GRIN2B: variants seen among roughly 807,000 people sequenced by gnomAD.
GRIN2B encodes the protein glutamate ionotropic receptor NMDA type subunit 2B, also known as glutamate receptor ionotropic, NMDA 2B.
Under a neutral mutation model 114.5 loss-of-function variants are expected in GRIN2B, and 5 were observed. The observed-to-expected ratio is 0.04, with a 90% confidence interval of 0.02 to 0.09. The LOEUF (loss-of-function observed/expected upper bound fraction) is 0.09. Ranked by LOEUF, GRIN2B falls within the 10% of genes least tolerant of loss-of-function variation. The pLI, the probability that GRIN2B is intolerant of heterozygous loss-of-function variation, is 1.00. For missense variants in GRIN2B, 1,108 were observed against 1,943.5 expected, an observed-to-expected ratio of 0.57 and a Z score of 8.08; for synonymous variants, 787 against 745.1, an observed-to-expected ratio of 1.06 and a Z score of -0.92.
At chr12:13,934,600 C>A (rs1350016689) in intron 2 of GRIN2B, among the ~76,000 whole-genome samples, 1 of 152,212 alleles carries the variant, frequency 6.6e-6, no homozygotes. Flanking sequence ...CAGGTTGATA[C>A]CCTCTTTCCT....
Position 13,551,955 on chromosome 12 carries a change from GTT to G in GRIN2B, c.*10826_*10827del, listed in dbSNP as rs1948418164. 1 of 151,938 alleles carries G rather than the reference GTT, an allele frequency of 6.6e-6. No homozygotes were observed. The highest frequency in any genetic ancestry group is 1.5e-5 in the Non-Finnish European group (1 of 67,968). 9.4% of individuals were successfully genotyped at this position (151,938 alleles called of 1,614,324 possible). ...TAGGGCTGAAGTTTTAGGCAGGCAT[GTT>G]TTGTTTCATTTCGAAAAAAAAACAA... On this transcript the variant is annotated 3_prime_UTR_variant, in exon 14 of 14. Coordinates refer to ENST00000609686, the MANE Select transcript of GRIN2B (RefSeq NM_000834.5).
intron 4 of GRIN2B, among the ~76,000 whole-genome samples, chr12:13,712,194 A>T (rs902510503): frequency 2.0e-5 from 3 of 148,436 alleles, no homozygotes; most frequent in African/African-American, 7.5e-5. Context: ...ACACATGGAC[A>T]CAGGAAGGGG....
intron 3 of GRIN2B, among the ~76,000 whole-genome samples, chr12:13,775,433 G>A (rs1046083786): frequency 3.9e-5 from 6 of 152,098 alleles, no homozygotes; most frequent in South Asian, 2.1e-4. Context: ...CTGCCTCTCC[G>A]GGTAAATGAG....
At chr12:13,607,354 TATATAATATATATTATATATTA>T (rs1565473688) in intron 10 of GRIN2B, among the ~76,000 whole-genome samples, 17 of 38,886 alleles carry the variant, frequency 4.4e-4, no homozygotes, top group Admixed American at 3.8e-3. Flanking sequence ...ATATATAAAA[TATATAATATATATTATATATTA>T]TATATATAAT....
intron 3 of GRIN2B, among the ~76,000 whole-genome samples, chr12:13,839,662 C>A (rs936460964): frequency 6.6e-6 from 1 of 152,126 alleles, no homozygotes; most frequent in African/African-American, 2.4e-5. Context: ...AAACGGAAGC[C>A]CCAGGTGTCA....
At chr12:13,602,124 A>C (rs1233904680) in intron 10 of GRIN2B, among the ~76,000 whole-genome samples, 1 of 152,142 alleles carries the variant, frequency 6.6e-6, no homozygotes, top group Non-Finnish European at 1.5e-5. Context: ...TTAAGAGAAC[A>C]AAAGGCAAGT....
At chr12:13,893,300 T>G (rs1036967659) in intron 2 of GRIN2B, among the ~76,000 whole-genome samples, 1 of 152,158 alleles carries the variant, frequency 6.6e-6, no homozygotes, top group Non-Finnish European at 1.5e-5. Context: ...TTTCTATTTT[T>G]CCTGTGCTGG....
intron 3 of GRIN2B, among the ~76,000 whole-genome samples, chr12:13,859,363 T>C (rs1447533415): frequency 1.3e-5 from 2 of 152,192 alleles, no homozygotes; most frequent in African/African-American, 4.8e-5. Context: ...TGGGCTTCAA[T>C]TGTTACAAGC....
chr12:13,583,719 G>A (rs1467666520), intron 10 of GRIN2B, among the ~76,000 whole-genome samples: 1 of 152,154 alleles, frequency 6.6e-6, no homozygotes, highest in Non-Finnish European at 1.5e-5. Context: ...AAAGAGGTCT[G>A]GGGAGGGTGA....
At position 13,538,597 on chromosome 12, in the gene GRIN2B, T is replaced by G. The variant is rs1345693751; in HGVS notation, c.*24186A>C. ...TAGGAAGCCGAGGCAGGCAGATCAC[T>G]TGAACCCAGGAGTTCAGAATCAGCC... On this transcript the variant is annotated 3_prime_UTR_variant, in exon 14 of 14. Coordinates refer to ENST00000609686, the MANE Select transcript of GRIN2B (RefSeq NM_000834.5). The G allele has an allele frequency of 2.0e-5, 3 of 152,086 alleles. No homozygotes were observed. The highest frequency in any genetic ancestry group is 7.2e-5 in the African/African-American group (3 of 41,400). 9.4% of individuals were successfully genotyped at this position (152,086 alleles called of 1,614,324 possible). A position where few individuals can be genotyped will look rare whatever the true frequency, so the allele number is the denominator to read the frequency against.
chr12:13,837,262 A>G (rs1255473842), intron 3 of GRIN2B, among the ~76,000 whole-genome samples: 3 of 152,260 alleles, frequency 2.0e-5, no homozygotes, highest in East Asian at 3.9e-4. Context: ...TCTTGGCCCT[A>G]TCTCCTCCAA....
chr12:13,727,279 G>A (rs1225286906), intron 4 of GRIN2B, among the ~76,000 whole-genome samples: 1 of 152,158 alleles, frequency 6.6e-6, no homozygotes, highest in Non-Finnish European at 1.5e-5. Flanking sequence ...CCAGTTTAAT[G>A]TTTTTGTTGC....
intron 2 of GRIN2B, among the ~76,000 whole-genome samples, chr12:13,870,259 T>C (rs575674056): frequency 2.6e-5 from 4 of 152,248 alleles, no homozygotes; most frequent in African/African-American, 9.6e-5. Context: ...AGGGCCAGTA[T>C]TGGGAATCAG....
chr12:13,759,079 C>T (rs1031521594), intron 3 of GRIN2B, among the ~76,000 whole-genome samples: 3 of 133,026 alleles, frequency 2.3e-5, no homozygotes, highest in African/African-American at 8.8e-5. Context: ...ATGATCTTGG[C>T]TCACTGTAAC....
At chr12:13,607,719 T>TGGGGGG (rs557037464) in intron 10 of GRIN2B, among the ~76,000 whole-genome samples, 1 of 38,506 alleles carries the variant, frequency 2.6e-5, no homozygotes, top group Admixed American at 3.2e-4. Flanking sequence ...GGCTTCATCC[T>TGGGGGG]GGGGGGGTGG....
At chr12:13,640,718 A>G (rs1949707249) in intron 5 of GRIN2B, among the ~76,000 whole-genome samples, 1 of 152,166 alleles carries the variant, frequency 6.6e-6, no homozygotes, top group African/African-American at 2.4e-5. Flanking sequence ...TGAACTATCT[A>G]TTATGAATGA....
At chr12:13,828,418 G>A (rs947273668) in intron 3 of GRIN2B, among the ~76,000 whole-genome samples, 1 of 152,098 alleles carries the variant, frequency 6.6e-6, no homozygotes, top group Non-Finnish European at 1.5e-5. Flanking sequence ...TCCAGACATG[G>A]AATTTCACCT....
At chr12:13,942,940 T>C (rs965832024) in intron 2 of GRIN2B, among the ~76,000 whole-genome samples, 4 of 152,124 alleles carry the variant, frequency 2.6e-5, no homozygotes, top group Non-Finnish European at 4.4e-5. Context: ...GCTGGCATTT[T>C]GATCACATCC....
chr12:13,782,381 C>G lies in GRIN2B; in HGVS notation c.412-28466G>C, dbSNP rs368024316. The stretch of plus-strand genomic sequence containing the variant: ...AGCCCAAGACCAGGCTTCTGTGACT[C>G]TCAACATTTCTCAGCAGCTTGTGAG... On this transcript the variant is annotated intron_variant, in intron 3 of 13. Coordinates refer to ENST00000609686, the MANE Select transcript of GRIN2B (RefSeq NM_000834.5). 2.0e-4 allele frequency among the ~76,000 whole-genome samples: 31 copies of G among 152,278 alleles called. No homozygotes were observed. In the East Asian group the frequency reaches 5.6e-3, roughly 27 times the overall value.
Sources: allele counts gnomAD v4.1 joint callset (sites outside exome capture counted in the v4.1 genomes callset), GRCh38; gene constraint gnomAD v4.1.1; transcripts MANE v1.5; gene names NCBI Gene and HGNC (gene_info 2026-07-23, HGNC 2026-07-21).